The following SGPL1 variants were observed in gnomAD, a reference collection of about 807,000 sequenced individuals.
SGPL1 encodes sphingosine-1-phosphate lyase 1, also known as SP-lyase 1.
Under a neutral mutation model 68.9 loss-of-function variants are expected in SGPL1, and 37 were observed. That is an observed-to-expected ratio of 0.54 (90% confidence interval 0.41 to 0.71). The LOEUF (loss-of-function observed/expected upper bound fraction) is 0.71. Ranked by LOEUF, SGPL1 falls within the 30% of genes least tolerant of loss-of-function variation. The pLI is 0.00. For missense variants in SGPL1, 551 were observed against 704.6 expected, an observed-to-expected ratio of 0.78 and a Z score of 2.47; for synonymous variants, 236 against 248.5, an observed-to-expected ratio of 0.95 and a Z score of 0.47.
Position 70,861,658 on chromosome 10 carries a change from G to A in SGPL1, c.615+2159G>A, listed in dbSNP as rs531103950. On this transcript the variant is annotated intron_variant, in intron 7 of 14. Transcript: ENST00000373202. ...AGGTGTGGAGGGAGAGGCGTGAGCCGGAACCAGGGCTGCGCGCAGCGCTTG... is the reference window on the plus strand; with the variant it reads ...AGGTGTGGAGGGAGAGGCGTGAGCCAGAACCAGGGCTGCGCGCAGCGCTTG... 4.6e-5 allele frequency among the ~76,000 whole-genome samples: 7 copies of A among 152,324 alleles called. No individual in the cohort carries two copies. In the East Asian group the frequency reaches 1.4e-3, roughly 29 times the overall value.
chr10:70,833,477 T>C (rs954610844), intron 2 of SGPL1, among the ~76,000 whole-genome samples: 1 of 152,234 alleles, frequency 6.6e-6, no homozygotes, highest in African/African-American at 2.4e-5. Flanking sequence ...CTTACTTCTT[T>C]AATGACCCAA....
chr10:70,854,769 T>C lies in SGPL1; in HGVS notation c.323T>C (p.Val108Ala). 6.2e-7 allele frequency: 1 copy of C among 1,613,968 alleles called. No homozygotes were observed. Among genetic ancestry groups the C allele is most frequent in the Non-Finnish European group, 8.5e-7 (1 of 1,179,910 alleles). Reference protein sequence around the residue: ...DISKNMSFLKVDKEYVKALPS... With the variant: ...DISKNMSFLKADKEYVKALPS... ...AGCAAGAACATGTCATTCCTGAAAG[T>C]GGACAAAGAGTATGTGAAAGCTTTA... Residue 108 changes from valine (V) to alanine (A), a missense_variant, in exon 5 of 15, where the codon GTG (valine) becomes GCG (alanine). Coordinates refer to ENST00000373202, the MANE Select transcript of SGPL1 (RefSeq NM_003901.4).
intron 6 of SGPL1, 53 bp downstream of exon 6, chr10:70,857,743 ACCT>A: frequency 8.4e-7 from 1 of 1,189,826 alleles, no homozygotes; most frequent in Non-Finnish European, 1.2e-6. Context: ...AGTTTACATG[ACCT>A]CCTTTTTTTC....
chr10:70,841,849 C>T (rs888031553), intron 2 of SGPL1, among the ~76,000 whole-genome samples: 1 of 152,108 alleles, frequency 6.6e-6, no homozygotes, highest in Non-Finnish European at 1.5e-5. Flanking sequence ...ACATCTTCTA[C>T]CTTTTTTACC....
intron 7 of SGPL1, among the ~76,000 whole-genome samples, chr10:70,862,528 C>T (rs935633788): frequency 2.6e-5 from 4 of 152,156 alleles, no homozygotes; most frequent in Admixed American, 2.6e-4. Flanking sequence ...ACTGTGGAAG[C>T]TTTGTTCTTT....
chr10:70,872,182 A>G (rs1283188066), intron 11 of SGPL1, among the ~76,000 whole-genome samples, 196 bp downstream of exon 11: 1 of 152,222 alleles, frequency 6.6e-6, no homozygotes, highest in African/African-American at 2.4e-5. Context: ...GACAAGCAGT[A>G]GTGAAAATGA....
At chr10:70,868,213 A>G (rs1846227617) in intron 7 of SGPL1, 132 bp from the exon 8 acceptor site, 3 of 659,856 alleles carry the variant, frequency 4.5e-6, no homozygotes. Flanking sequence ...TCTGGAAGAC[A>G]TGGCAGTGTC....
intron 2 of SGPL1, among the ~76,000 whole-genome samples, chr10:70,820,743 C>T (rs1426466916): frequency 6.6e-6 from 1 of 151,950 alleles, no homozygotes; most frequent in East Asian, 1.9e-4. Context: ...CCATTACACT[C>T]CAGCCTGGGC....
At position 70,862,696 on chromosome 10, in the gene SGPL1, AG is replaced by A. The variant is rs1846096831; in HGVS notation, c.615+3198del. Among the ~76,000 whole-genome samples the A allele has an allele frequency of 1.3e-5, 2 of 152,050 alleles. 1 individual carries two copies. Among genetic ancestry groups the A allele is most frequent in the African/African-American group, 4.8e-5 (2 of 41,414 alleles). On this transcript the variant is annotated intron_variant, in intron 7 of 14. Coordinates refer to ENST00000373202, the MANE Select transcript of SGPL1 (RefSeq NM_003901.4). ...GAACAACTCCGGACGCGCTGCCTTA[AG>A]AGCTGTAACACTCACTGTGAAGGTC...
intron 8 of SGPL1, among the ~76,000 whole-genome samples, 165 bp downstream of exon 8, chr10:70,868,598 A>T (rs1846236446): frequency 6.6e-6 from 1 of 152,050 alleles, no homozygotes; most frequent in Non-Finnish European, 1.5e-5. Context: ...TTTTACATTC[A>T]GTAAAATTCT....
chr10:70,851,461 C>G (rs192545273), intron 4 of SGPL1, among the ~76,000 whole-genome samples: 84 of 151,902 alleles, frequency 5.5e-4, no homozygotes, highest in Middle Eastern at 3.4e-3. Context: ...GCAGCCCCCC[C>G]CCACCCACCA....
intron 5 of SGPL1, among the ~76,000 whole-genome samples, chr10:70,855,457 G>T (rs917536721): frequency 2.0e-5 from 3 of 152,166 alleles, no homozygotes; most frequent in Non-Finnish European, 4.4e-5. Context: ...TTCATACCTT[G>T]GTTTGCCACT....
At chr10:70,865,465 T>A (rs1301913097) in intron 7 of SGPL1, among the ~76,000 whole-genome samples, 1 of 152,236 alleles carries the variant, frequency 6.6e-6, no homozygotes, top group Non-Finnish European at 1.5e-5. Flanking sequence ...ATTCCCAGGC[T>A]CTTCTAATAT....
At chr10:70,842,304 C>T (rs774043602) in intron 2 of SGPL1, among the ~76,000 whole-genome samples, 4 of 152,088 alleles carry the variant, frequency 2.6e-5, no homozygotes, top group Non-Finnish European at 5.9e-5. Context: ...TCAAAACGAA[C>T]ATGCGTTTAA....
At chr10:70,816,271 G>A (rs1845225930) in intron 1 of SGPL1, 145 bp downstream of exon 1, 1 of 149,144 alleles carries the variant, frequency 6.7e-6, no homozygotes, top group African/African-American at 2.5e-5. Flanking sequence ...GGGGCGGGCT[G>A]AAGGCGTGGG....
intron 4 of SGPL1, among the ~76,000 whole-genome samples, chr10:70,852,862 T>C (rs1191471761): frequency 6.6e-6 from 1 of 152,228 alleles, no homozygotes; most frequent in Non-Finnish European, 1.5e-5. Context: ...CTTCCTCTCA[T>C]GGAACTTACA....
At chr10:70,846,210 C>T (rs1845789376) in intron 3 of SGPL1, among the ~76,000 whole-genome samples, 1 of 152,192 alleles carries the variant, frequency 6.6e-6, no homozygotes, top group African/African-American at 2.4e-5. Flanking sequence ...AGAAATTAGA[C>T]TGGCCGGCCC....
At chr10:70,860,479 G>A in intron 7 of SGPL1, 1 of 455,048 alleles carries the variant, frequency 2.2e-6, no homozygotes, top group South Asian at 1.7e-5. Flanking sequence ...AAGGTGATAT[G>A]CCTGGCATTC....
At chr10:70,854,046 C>T (rs1466253963) in intron 4 of SGPL1, among the ~76,000 whole-genome samples, 3 of 152,192 alleles carry the variant, frequency 2.0e-5, no homozygotes, top group African/African-American at 7.2e-5. Context: ...GTAGCTGCTG[C>T]CAAGGCAGGA....
Sources: allele counts gnomAD v4.1 joint callset (sites outside exome capture counted in the v4.1 genomes callset), GRCh38; gene constraint gnomAD v4.1.1; transcripts MANE v1.5; gene names NCBI Gene and HGNC (gene_info 2026-07-23, HGNC 2026-07-21).